Variants in SEPTIN9 observed in about 807,000 individuals in gnomAD.
SEPTIN9 encodes septin 9.
Under a neutral mutation model 56.6 loss-of-function variants are expected in SEPTIN9, and 13 were observed. That is an observed-to-expected ratio of 0.23 (90% CI 0.15 to 0.37). SEPTIN9 has a LOEUF of 0.37. Among genes scored for constraint, SEPTIN9 ranks in the 10% least tolerant of loss-of-function variants. The pLI is 1.00. For missense variants in SEPTIN9, 650 were observed against 823.1 expected, an observed-to-expected ratio of 0.79 and a Z score of 2.57; for synonymous variants, 332 against 334.1, an observed-to-expected ratio of 0.99 and a Z score of 0.07.
intron 1 of SEPTIN9, among the ~76,000 whole-genome samples, chr17:77,299,194 T>C (rs1411001072): frequency 6.6e-6 from 1 of 152,214 alleles, no homozygotes; most frequent in African/African-American, 2.4e-5. Context: ...TCCTGGTCGC[T>C]TCCACCCTTA....
intron 2 of SEPTIN9, among the ~76,000 whole-genome samples, chr17:77,340,902 A>G (rs1452410288): frequency 2.0e-5 from 3 of 152,220 alleles, no homozygotes; most frequent in Admixed American, 1.3e-4. Context: ...TGCTAGCCTC[A>G]AACTTTCCTT....
chr17:77,309,701 T>C (rs72880531), intron 2 of SEPTIN9, among the ~76,000 whole-genome samples: 24,093 of 151,848 alleles, frequency 0.16, 2,074 homozygotes, highest in African/African-American at 0.21. Flanking sequence ...AATGACACCA[T>C]GATCAACGCT....
intron 2 of SEPTIN9, among the ~76,000 whole-genome samples, chr17:77,348,563 G>A (rs1037659268): frequency 2.0e-5 from 3 of 152,078 alleles, no homozygotes; most frequent in Non-Finnish European, 4.4e-5. Flanking sequence ...GCCTCCCAAA[G>A]TGCTGGGATT....
Position 77,318,601 on chromosome 17 carries a change from C to CT in SEPTIN9, c.76+11405dup, listed in dbSNP as rs1453108988. Among the ~76,000 whole-genome samples the CT allele has an allele frequency of 6.6e-6, 1 of 152,166 alleles. No individual in the cohort carries two copies. The highest frequency in any genetic ancestry group is 6.5e-5 in the Admixed American group (1 of 15,272). On this transcript the variant is annotated intron_variant, in intron 2 of 11. Coordinates refer to ENST00000427177, the MANE Select transcript of SEPTIN9 (RefSeq NM_001113491.2). This position sits in a 1 kb window ranked among gnomAD's most constrained non-coding sequence, Gnocchi z 4.9. ...CCCACCTCCCTCACTGTCTGGCTGCCTGTGGGGCTGTCCTCCAGGCTCTTT... is the reference window on the plus strand; with the variant it reads ...CCCACCTCCCTCACTGTCTGGCTGCCTTGTGGGGCTGTCCTCCAGGCTCTTT...
Position 77,425,556 on chromosome 17 carries a change from AC to A in SEPTIN9, c.721+22858del, listed in dbSNP as rs994178392. On this transcript the variant is annotated intron_variant, in intron 3 of 11. Coordinates refer to ENST00000427177, the MANE Select transcript of SEPTIN9 (RefSeq NM_001113491.2). The surrounding 1 kb of genome is among the most constrained non-coding windows in gnomAD (Gnocchi z 4.2). ...GCAGCTGAGCTGGCGGGCCTCGCAC[AC>A]CCCCAAGGCCGCCTGACTTCCAGCC... Among the ~76,000 whole-genome samples, 5 of 151,804 alleles carry A rather than the reference AC, an allele frequency of 3.3e-5. No individual in the cohort carries two copies. The highest frequency in any genetic ancestry group is 1.2e-4 in the African/African-American group (5 of 41,286).
At chr17:77,356,670 C>CCCCCTTTCCCTT (rs1381548403) in intron 2 of SEPTIN9, among the ~76,000 whole-genome samples, 3 of 5,754 alleles carry the variant, frequency 5.2e-4, no homozygotes, top group Admixed American at 1.8e-3. Context: ...TGCTTTCCCT[C>CCCCCTTTCCCTT]CCCCTCCCCT....
intron 3 of SEPTIN9, among the ~76,000 whole-genome samples, chr17:77,464,970 C>G (rs2144523037): frequency 6.6e-6 from 1 of 152,290 alleles, no homozygotes; most frequent in Non-Finnish European, 1.5e-5. Flanking sequence ...CAAAAGAGAC[C>G]CTGCCCCCAT....
Position 77,459,740 on chromosome 17 carries a change from T to C in SEPTIN9, c.722-22404T>C, listed in dbSNP as rs1217008611. 2.6e-5 allele frequency among the ~76,000 whole-genome samples: 4 copies of C among 151,868 alleles called. No homozygotes were observed. The East Asian group carries it at 7.7e-4, about 29-fold the overall frequency. On this transcript the variant is annotated intron_variant, in intron 3 of 11. Transcript: ENST00000427177. ...TTTTTTTTTTGAAATGGAGTCTCGC[T>C]GTGTCAGCCAGGCTGGAGTGCAGTG...
intron 1 of SEPTIN9, among the ~76,000 whole-genome samples, chr17:77,297,067 A>G (rs1488005297): frequency 6.6e-6 from 1 of 152,176 alleles, no homozygotes; most frequent in Non-Finnish European, 1.5e-5. Flanking sequence ...GATAGATGAT[A>G]GATAGATAGG....
chr17:77,422,297 T>C (rs1198142502), intron 3 of SEPTIN9, among the ~76,000 whole-genome samples: 1 of 152,178 alleles, frequency 6.6e-6, no homozygotes, highest in Non-Finnish European at 1.5e-5. Flanking sequence ...AGCAGGAGAC[T>C]CAGGTGAAGA....
In SEPTIN9 at chr17:77,487,593, G is replaced by A; in HGVS notation, c.1042+41G>A. The A allele has an allele frequency of 6.3e-7, 1 of 1,596,966 alleles. No individual in the cohort carries two copies. The highest frequency in any genetic ancestry group is 1.1e-5 in the South Asian group (1 of 90,296). ...TGGGCTGGGGGTGCAGGACGCCCCT[G>A]CCTTCCTGGAGCACAGGGGTTGGGG... On this transcript the variant is annotated intron_variant, in intron 5 of 11. Transcript: ENST00000427177. The surrounding 1 kb of genome is among the most constrained non-coding windows in gnomAD (Gnocchi z 4.3).
At position 77,389,957 on chromosome 17, in the gene SEPTIN9, C is replaced by G. The variant is rs992297144; in HGVS notation, c.77-12102C>G. Among the ~76,000 whole-genome samples, 11 of 152,038 alleles carry G rather than the reference C, an allele frequency of 7.2e-5. No individual in the cohort carries two copies. The highest frequency in any genetic ancestry group is 2.4e-4 in the African/African-American group (10 of 41,392). On this transcript the variant is annotated intron_variant, in intron 2 of 11. Transcript: ENST00000427177. This position sits in a 1 kb window ranked among gnomAD's most constrained non-coding sequence, Gnocchi z 4.3. Reference sequence around the variant, plus strand: ...GAAAAGAGGAAGTCCAGCAACTTAGCGCCACTTTAAAGTCCGCCTGGAATG... The same window carrying G: ...GAAAAGAGGAAGTCCAGCAACTTAGGGCCACTTTAAAGTCCGCCTGGAATG...
intron 2 of SEPTIN9, among the ~76,000 whole-genome samples, chr17:77,335,188 ATTTATACATGTAGGCCCTG>A (rs1192741508): frequency 1.3e-4 from 20 of 148,804 alleles, no homozygotes; most frequent in Admixed American, 3.3e-4. Flanking sequence ...GTATATGTAC[ATTTATACATGTAGGCCCTG>A]TGTTGACTGT....
At chr17:77,365,018 G>T (rs549345666) in intron 2 of SEPTIN9, among the ~76,000 whole-genome samples, 1 of 152,342 alleles carries the variant, frequency 6.6e-6, no homozygotes, top group Admixed American at 6.5e-5. Context: ...TCGGGTCTTT[G>T]TTAGAGATGC....
At chr17:77,482,932 C>A (rs2039518969) in intron 4 of SEPTIN9, 2 of 209,102 alleles carry the variant, frequency 9.6e-6, no homozygotes, top group Admixed American at 1.0e-4. Flanking sequence ...CCATTCAAAC[C>A]TCACAGGGAC....
chr17:77,462,559 C>T (rs1383994354), intron 3 of SEPTIN9, among the ~76,000 whole-genome samples: 1 of 152,180 alleles, frequency 6.6e-6, no homozygotes, highest in East Asian at 1.9e-4. Flanking sequence ...GCTGGGGTTA[C>T]AGGTGTGAGC....
intron 1 of SEPTIN9, among the ~76,000 whole-genome samples, chr17:77,304,090 C>G (rs1255837107): frequency 1.3e-5 from 2 of 152,212 alleles, no homozygotes; most frequent in African/African-American, 4.8e-5. Flanking sequence ...GGAGACTTTT[C>G]TAGCTACCTC....
At chr17:77,316,419 G>A (rs978327139) in intron 2 of SEPTIN9, among the ~76,000 whole-genome samples, 1 of 152,266 alleles carries the variant, frequency 6.6e-6, no homozygotes, top group African/African-American at 2.4e-5. Flanking sequence ...GCACGGAGGG[G>A]AGATGGACCT....
At chr17:77,481,060 T>C (rs979450840) in intron 3 of SEPTIN9, among the ~76,000 whole-genome samples, 3 of 152,160 alleles carry the variant, frequency 2.0e-5, no homozygotes, top group African/African-American at 7.2e-5. Flanking sequence ...ACCTGGCCCG[T>C]GTACCAGCCA....
Sources: gnomAD v4.1 joint callset for allele counts (sites outside exome capture counted in the v4.1 genomes callset) on GRCh38, gnomAD v4.1.1 for gene constraint, Gnocchi (gnomAD v3.1) non-coding constraint, MANE v1.5 for transcripts, NCBI Gene and HGNC (gene_info 2026-07-23, HGNC 2026-07-21) for gene names.